CAPN2: variants seen among roughly 807,000 people sequenced by gnomAD.
CAPN2 encodes calpain 2.
Under a neutral mutation model 102.3 loss-of-function variants are expected in CAPN2, and 92 were observed. The ratio of observed to expected loss-of-function variants is 0.90; its 90% CI spans 0.76 to 1.07. CAPN2 has a LOEUF of 1.07. Among genes scored for constraint, CAPN2 ranks in the 50% least tolerant of loss-of-function variants. CAPN2 has a pLI of 0.00. For missense variants in CAPN2, 800 were observed against 909.4 expected (o/e 0.88, Z 1.55); for synonymous variants, 340 against 355.4 (o/e 0.96, Z 0.49).
intron 2 of CAPN2, among the ~76,000 whole-genome samples, chr1:223,723,459 AC>A (rs562777451): frequency 3.6e-4 from 55 of 152,150 alleles, no homozygotes; most frequent in African/African-American, 1.2e-3. Context: ...CAGTCCCAGC[AC>A]CCCCCTTACC....
intron 2 of CAPN2, among the ~76,000 whole-genome samples, chr1:223,734,116 C>T (rs1660393997): frequency 1.3e-5 from 2 of 152,188 alleles, no homozygotes; most frequent in Non-Finnish European, 2.9e-5. Flanking sequence ...CTGCTGTTCT[C>T]AGCCCCGGGA....
At position 223,772,175 on chromosome 1, in the gene CAPN2, CCA is replaced by C. The variant is rs1661495930; in HGVS notation, c.2021-3_2021-2del. On this transcript the variant is annotated splice_region_variant and splice_polypyrimidine_tract_variant and intron_variant, in intron 19 of 20. Transcript: ENST00000295006. ...CTTGTGACACCCTCTTTTTCTCCCT[CCA>C]CAGAGATATTTAAGCAGCTGGATCC... The C allele has an allele frequency of 4.3e-6, 7 of 1,613,836 alleles. No homozygotes were observed.
At chr1:223,712,443 G>T (rs1213604601), upstream of CAPN2, 4 of 1,116,936 alleles carry the variant, frequency 3.6e-6, no homozygotes, top group East Asian at 5.2e-5. Flanking sequence ...CTGGTCCCGG[G>T]CCGGGAGCCC....
chr1:223,741,796 G>A (rs1350569080), intron 2 of CAPN2, among the ~76,000 whole-genome samples: 1 of 151,290 alleles, frequency 6.6e-6, no homozygotes, highest in Non-Finnish European at 1.5e-5. Flanking sequence ...TTTTTGGGGG[G>A]CACAGAGTCT....
rs1484970426 is a variant in CAPN2 at position 223,747,104 on chromosome 1, A to G, written c.668A>G (p.Asn223Ser). The change falls in exon 5 of 21, where the codon AAC becomes AGC. Residue 223 changes from asparagine (N) to serine (S), a missense_variant. Coordinates refer to ENST00000295006, the MANE Select transcript of CAPN2 (RefSeq NM_001748.5). Reference sequence around the variant, plus strand: ...TATGAGTTGAAGAAGCCCCCTCCCAACCTGTTCAAGATCATCCAGAAAGCT... The same window carrying G: ...TATGAGTTGAAGAAGCCCCCTCCCAGCCTGTTCAAGATCATCCAGAAAGCT... Reference protein sequence around the residue: ...EWYELKKPPPNLFKIIQKALQ... With the variant: ...EWYELKKPPPSLFKIIQKALQ... 3.7e-6 allele frequency: 6 copies of G among 1,613,792 alleles called. No homozygotes were observed. In the African/African-American group the frequency reaches 4.0e-5, roughly 11 times the overall value.
At chr1:223,772,267 T>TA in intron 20 of CAPN2, 28 bp downstream of exon 20, 2 of 1,602,814 alleles carry the variant, frequency 1.2e-6, no homozygotes, top group Non-Finnish European at 8.5e-7. Flanking sequence ...GCCTTGCTTC[T>TA]AAGGGGATGG....
chr1:223,774,623 A>C (rs1571826105), intron 20 of CAPN2, among the ~76,000 whole-genome samples: 1 of 152,208 alleles, frequency 6.6e-6, no homozygotes, highest in African/African-American at 2.4e-5. Flanking sequence ...AATATGATTC[A>C]TGGCCACTTA....
rs1279759523 is a variant in CAPN2, at chr1:223,762,190, A to C, written c.1571A>C (p.Asp524Ala). The part of the protein sequence containing the change: ...DEIEANLEEF[D>A]ISEDDIDDGF... The stretch of plus-strand genomic sequence containing the variant: ...TGTCTCTGCCTCACCTTCCAGTTCG[A>C]CATCAGCGAGGATGACATTGATGAT... Residue 524 changes from aspartate (D) to alanine (A), a missense_variant, in exon 14 of 21, where the codon GAC (aspartate) becomes GCC (alanine). By Grantham distance (126) the Asp-to-Ala change is moderately radical. Coordinates refer to ENST00000295006, the MANE Select transcript of CAPN2 (RefSeq NM_001748.5). 1 of 1,613,628 alleles carries C rather than the reference A, an allele frequency of 6.2e-7. No homozygotes were observed. Among genetic ancestry groups the C allele is most frequent in the South Asian group, 1.1e-5 (1 of 91,044 alleles).
upstream of CAPN2, among the ~76,000 whole-genome samples, chr1:223,707,571 A>G (rs926193762): frequency 6.6e-6 from 1 of 152,184 alleles, no homozygotes; most frequent in Admixed American, 6.5e-5. Context: ...ACTTTGTCCA[A>G]ATGGTTGGGG....
chr1:223,766,231 A>G lies in CAPN2; in HGVS notation c.1691-136A>G, dbSNP rs28370148. On this transcript the variant is annotated intron_variant, in intron 15 of 20. Transcript: ENST00000295006. ...TCCCAGTCTGGTAGTCACTAGCCAC[A>G]TGTGGCTATTTAATATAATGGAAGT... is the stretch of plus-strand genomic sequence containing the variant. 0.011 allele frequency: 7,192 copies of G among 671,922 alleles called. 348 individuals are homozygous for G. In the African/African-American group the frequency reaches 0.11, roughly 10 times the overall value. 41.6% of individuals were successfully genotyped at this position (671,922 alleles called of 1,614,324 possible). A position where few individuals can be genotyped will look rare whatever the true frequency, so the allele number is the denominator to read the frequency against.
intron 10 of CAPN2, 34 bp from the exon 11 acceptor site, chr1:223,757,335 C>T (rs1661060564): frequency 6.2e-7 from 1 of 1,613,944 alleles, no homozygotes; most frequent in Non-Finnish European, 8.5e-7. Flanking sequence ...CACTGCTTTT[C>T]CGGCATCTGA....
intron 1 of CAPN2, among the ~76,000 whole-genome samples, chr1:223,702,243 T>C (rs143113548): frequency 0.01 from 1,583 of 151,690 alleles, 23 homozygotes; most frequent in African/African-American, 0.036. Context: ...CTGGCTAACA[T>C]GGTAAAACCC....
intron 2 of CAPN2, among the ~76,000 whole-genome samples, chr1:223,736,310 C>T (rs1370766782): frequency 6.6e-6 from 1 of 152,134 alleles, no homozygotes; most frequent in Non-Finnish European, 1.5e-5. Flanking sequence ...CAGTCAAGCG[C>T]CTAGAAGCCA....
chr1:223,742,143 G>A (rs1449788305), intron 2 of CAPN2, among the ~76,000 whole-genome samples: 1 of 152,162 alleles, frequency 6.6e-6, no homozygotes, highest in Admixed American at 6.6e-5. Flanking sequence ...TGTAATACCA[G>A]CACTTTGGGA....
At position 223,754,675 on chromosome 1, in the gene CAPN2, A is replaced by G. The variant is rs1179212317; in HGVS notation, c.1136-805A>G. Among the ~76,000 whole-genome samples, 1 of 152,240 alleles carries G rather than the reference A, an allele frequency of 6.6e-6. No individual in the cohort carries two copies. Among genetic ancestry groups the G allele is most frequent in the Non-Finnish European group, 1.5e-5 (1 of 68,040 alleles). ...CATGAATGAATCTTAGATTTTTTAA[A>G]TAAATAGGTTTTGGAAGTAAAGAGG... On this transcript the variant is annotated intron_variant, in intron 9 of 20. Transcript: ENST00000295006. This position sits in a 1 kb window ranked among gnomAD's most constrained non-coding sequence, Gnocchi z 4.7.
chr1:223,752,939 G>A lies in CAPN2; in HGVS notation c.1118G>A (p.Gly373Asp). The A allele has an allele frequency of 6.2e-7, 1 of 1,614,098 alleles. No homozygotes were observed. The highest frequency in any genetic ancestry group is 1.1e-5 in the South Asian group (1 of 91,080). Reference protein sequence around the residue: ...GNWRRGSTAGGCRNYPNTFWM... With the variant: ...GNWRRGSTAGDCRNYPNTFWM... Reference sequence around the variant, plus strand: ...TGGAGGCGGGGCTCCACCGCGGGAGGTTGCAGGAACTACCCGAGTAAGGGC... The same window carrying A: ...TGGAGGCGGGGCTCCACCGCGGGAGATTGCAGGAACTACCCGAGTAAGGGC... The change falls in exon 9 of 21, where the codon GGT (glycine) becomes GAT (aspartate). Residue 373 changes from glycine (G) to aspartate (D), a missense_variant. Physicochemically the swap from Gly to Asp is moderately conservative, Grantham distance 94. Transcript: ENST00000295006.
In CAPN2 at chr1:223,756,945, G is replaced by A. The variant is rs937536989; in HGVS notation, c.1306-424G>A. On this transcript the variant is annotated intron_variant, in intron 10 of 20. Transcript: ENST00000295006. The surrounding 1 kb of genome is among the most constrained non-coding windows in gnomAD (Gnocchi z 4.1). ...AAGAAAACTGAGGCCAGAGAGGAGA[G>A]GGGACTTGCTCAAGGAAATGCAGAC... 2.6e-5 allele frequency among the ~76,000 whole-genome samples: 4 copies of A among 152,182 alleles called. No individual in the cohort carries two copies. Among genetic ancestry groups the A allele is most frequent in the East Asian group, 1.9e-4 (1 of 5,188 alleles).
At chr1:223,732,340 G>A (rs754877848) in intron 2 of CAPN2, among the ~76,000 whole-genome samples, 20 of 152,218 alleles carry the variant, frequency 1.3e-4, no homozygotes, top group Non-Finnish European at 1.9e-4. Flanking sequence ...GCAGCCCTGA[G>A]GGCTGATGAT....
chr1:223,771,378 A>G (rs1447328174), intron 18 of CAPN2: 1 of 159,636 alleles, frequency 6.3e-6, no homozygotes, highest in Admixed American at 6.2e-5. Flanking sequence ...CTAGGTGGCC[A>G]TAGGCTCAAT....
Sources: allele counts gnomAD v4.1 joint callset (sites outside exome capture counted in the v4.1 genomes callset), GRCh38; gene constraint gnomAD v4.1.1; non-coding constraint Gnocchi (gnomAD v3.1); transcripts MANE v1.5; gene names NCBI Gene and HGNC (gene_info 2026-07-23, HGNC 2026-07-21).